Variants in ARHGAP6 observed in about 807,000 individuals in gnomAD.
The protein encoded by ARHGAP6 is rho GTPase-activating protein 6.
Under a neutral mutation model 55.7 loss-of-function variants are expected in ARHGAP6, and 16 were observed. That is an observed-to-expected ratio of 0.29 (90% CI 0.19 to 0.44). The LOEUF is 0.44. ARHGAP6 is among the 20% of genes least tolerant of loss of function. The probability of loss-of-function intolerance (pLI) is 1.00; values close to 1 mark genes in which losing one functional copy is unlikely to be tolerated. For missense variants in ARHGAP6, 698 were observed against 808.9 expected, an observed-to-expected ratio of 0.86 and a Z score of 1.66; for synonymous variants, 382 against 360.9, an observed-to-expected ratio of 1.06 and a Z score of -0.66.
intron 1 of ARHGAP6, among the ~76,000 whole-genome samples, chrX:11,499,636 T>C (rs1396640865): frequency 8.9e-6 from 1 of 112,290 alleles, no homozygotes; most frequent in East Asian, 2.8e-4. Flanking sequence ...ATATAACGAC[T>C]GTTTTCTCAC....
chrX:11,661,160 C>A (rs1370264563), intron 1 of ARHGAP6, among the ~76,000 whole-genome samples: 2 of 112,561 alleles, frequency 1.8e-5, no homozygotes, highest in Non-Finnish European at 3.7e-5. Flanking sequence ...AGCTCTGATC[C>A]ACAAGAATTA....
chrX:11,380,437 C>T (rs993785714), intron 1 of ARHGAP6, among the ~76,000 whole-genome samples: 10 of 111,848 alleles, frequency 8.9e-5, no homozygotes, highest in Non-Finnish European at 1.5e-4. Context: ...TACTTCTATG[C>T]GACAACGGAA....
intron 2 of ARHGAP6, among the ~76,000 whole-genome samples, chrX:11,209,625 CTT>C (rs1465380376): frequency 8.9e-6 from 1 of 112,512 alleles, no homozygotes; most frequent in Non-Finnish European, 1.9e-5. Flanking sequence ...TATTGCTCAT[CTT>C]GTCAAAAATA....
chrX:11,288,115 T>C (rs1479882317), intron 1 of ARHGAP6, among the ~76,000 whole-genome samples: 1 of 112,780 alleles, frequency 8.9e-6, no homozygotes, highest in Non-Finnish European at 1.9e-5. Context: ...CTTTTTCCTT[T>C]TCCATAGGCT....
At chrX:11,612,511 C>T (rs1177609488) in intron 1 of ARHGAP6, among the ~76,000 whole-genome samples, 1 of 111,527 alleles carries the variant, frequency 9.0e-6, no homozygotes, top group Non-Finnish European at 1.9e-5. Context: ...TTTGGAAGGC[C>T]CTAGATAGTT....
chrX:11,172,464 T>C (rs1362190651), intron 8 of ARHGAP6, among the ~76,000 whole-genome samples: 2 of 111,364 alleles, frequency 1.8e-5, no homozygotes, highest in African/African-American at 6.5e-5. Flanking sequence ...ATTTGGAGTG[T>C]TTCCCCTTAC....
At chrX:11,166,702 G>GAAGTC (rs1479680742) in intron 9 of ARHGAP6, among the ~76,000 whole-genome samples, 1 of 112,121 alleles carries the variant, frequency 8.9e-6, no homozygotes, top group Non-Finnish European at 1.9e-5. Context: ...GGAAGGAAGG[G>GAAGTC]AAGTCAGTGC....
chrX:11,171,450 G>A (rs2046090300), intron 8 of ARHGAP6, among the ~76,000 whole-genome samples: 2 of 109,784 alleles, frequency 1.8e-5, no homozygotes, highest in Non-Finnish European at 3.8e-5. Context: ...GAATCCCACT[G>A]CACGAATAAA....
chrX:11,381,572 A>G (rs1239366671), intron 1 of ARHGAP6, among the ~76,000 whole-genome samples: 4 of 111,760 alleles, frequency 3.6e-5, no homozygotes, highest in Non-Finnish European at 7.5e-5. Flanking sequence ...TGAAAAGGGT[A>G]AAGCTGTATT....
intron 1 of ARHGAP6, among the ~76,000 whole-genome samples, chrX:11,552,692 A>G (rs893655034): frequency 9.9e-6 from 1 of 101,003 alleles, no homozygotes; most frequent in East Asian, 3.1e-4. Context: ...ATGAACCTGG[A>G]ATTCATTATG....
At chrX:11,303,369 T>A (rs1332177939) in intron 1 of ARHGAP6, among the ~76,000 whole-genome samples, 4 of 112,247 alleles carry the variant, frequency 3.6e-5, no homozygotes, top group Non-Finnish European at 7.5e-5. Context: ...CACCTGACTC[T>A]TCCAGACGAT....
intron 1 of ARHGAP6, among the ~76,000 whole-genome samples, chrX:11,336,870 G>A (rs183202344): frequency 1.8e-5 from 2 of 111,739 alleles, no homozygotes; most frequent in African/African-American, 6.5e-5. Flanking sequence ...AAATAATGCA[G>A]CCAAGCATGA....
intron 10 of ARHGAP6, among the ~76,000 whole-genome samples, chrX:11,156,293 A>G (rs747937427): frequency 1.8e-5 from 2 of 112,489 alleles, no homozygotes; most frequent in Non-Finnish European, 3.7e-5. Flanking sequence ...CTGAGAGGCT[A>G]GAGAAAGCTG....
At chrX:11,523,106 G>T in intron 1 of ARHGAP6, among the ~76,000 whole-genome samples, 1 of 111,691 alleles carries the variant, frequency 9.0e-6, no homozygotes, top group African/African-American at 3.2e-5. Flanking sequence ...ATATAATCCA[G>T]CATATAAACA....
chrX:11,606,763 C>G (rs2052040626), intron 1 of ARHGAP6, among the ~76,000 whole-genome samples: 1 of 111,550 alleles, frequency 9.0e-6, no homozygotes, highest in Admixed American at 9.5e-5. Flanking sequence ...AAAGTTTAGA[C>G]ATTGTTTAAT....
chrX:11,532,252 A>G (rs976525010), intron 1 of ARHGAP6, among the ~76,000 whole-genome samples: 8 of 112,880 alleles, frequency 7.1e-5, no homozygotes, highest in African/African-American at 2.6e-4. Context: ...CTTAAAGTGG[A>G]TATGTTCACG....
chrX:11,352,848 A>T (rs1329778126), intron 1 of ARHGAP6, among the ~76,000 whole-genome samples: 1 of 111,961 alleles, frequency 8.9e-6, no homozygotes, highest in South Asian at 3.7e-4. Flanking sequence ...TAGACTATAT[A>T]TTATGCATAT....
chrX:11,587,039 C>T (rs1189423042), intron 1 of ARHGAP6, among the ~76,000 whole-genome samples: 1 of 111,768 alleles, frequency 8.9e-6, no homozygotes, highest in African/African-American at 3.3e-5. Context: ...TGAGACTTTG[C>T]TGACATTGTT....
chrX:11,497,699 A>C (rs2050637987), intron 1 of ARHGAP6, among the ~76,000 whole-genome samples: 1 of 110,047 alleles, frequency 9.1e-6, no homozygotes, highest in South Asian at 3.9e-4. Context: ...AGTCTCCAGA[A>C]CTATGAGAAA....
Sources: gnomAD v4.1 joint callset for allele counts (sites outside exome capture counted in the v4.1 genomes callset) on GRCh38, gnomAD v4.1.1 for gene constraint, MANE v1.5 for transcripts, NCBI Gene and HGNC (gene_info 2026-07-23, HGNC 2026-07-21) for gene names.